The following SAMD5 variants were observed in gnomAD, a reference collection of about 807,000 sequenced individuals.
SAMD5 encodes sterile alpha motif domain containing 5.
SAMD5 carries 13 observed loss-of-function variants against 11.3 expected under a neutral mutation model. That is an observed-to-expected ratio of 1.15 (90% CI 0.75 to 1.83). The LOEUF is 1.83. Among genes scored for constraint, SAMD5 ranks in the 40% most tolerant of loss-of-function variants. The pLI is 0.00. For missense variants in SAMD5, 255 were observed against 239.1 expected (o/e 1.07, Z -0.44); for synonymous variants, 129 against 111.3 (o/e 1.16, Z -1.00).
chr6:147,664,850 T>C (rs1330284899), intron 1 of SAMD5, among the ~76,000 whole-genome samples: 1 of 152,176 alleles, frequency 6.6e-6, no homozygotes, highest in East Asian at 1.9e-4. Context: ...AAGCAAGCAT[T>C]TGCTGGTAGA....
intron 1 of SAMD5, among the ~76,000 whole-genome samples, chr6:147,539,353 G>A (rs760805707): frequency 3.3e-5 from 5 of 152,164 alleles, no homozygotes; most frequent in Non-Finnish European, 7.4e-5. Flanking sequence ...ATGCTTCTCC[G>A]ATCCAGGTGT....
chr6:147,699,013 G>A (rs753503805), intron 1 of SAMD5, among the ~76,000 whole-genome samples: 1 of 152,156 alleles, frequency 6.6e-6, no homozygotes, highest in Non-Finnish European at 1.5e-5. Context: ...TGGGAGTGCT[G>A]GGGTAGAGAT....
chr6:147,845,453 G>A, the SAMD5 span, among the ~76,000 whole-genome samples: 1 of 152,080 alleles, frequency 6.6e-6, no homozygotes. Context: ...GGATGAAAAG[G>A]CAATCAGACT....
chr6:147,663,250 G>T (rs954159547), intron 1 of SAMD5, among the ~76,000 whole-genome samples: 1 of 152,112 alleles, frequency 6.6e-6, no homozygotes, highest in Non-Finnish European at 1.5e-5. Context: ...TCCAATACTT[G>T]ATGTAAAATT....
intron 1 of SAMD5, among the ~76,000 whole-genome samples, chr6:147,535,205 G>A (rs1236961938): frequency 8.5e-5 from 13 of 152,188 alleles, no homozygotes; most frequent in Admixed American, 1.3e-4. Flanking sequence ...GAACCCCAAG[G>A]TGAGAAGCGT....
the SAMD5 span, among the ~76,000 whole-genome samples, chr6:147,951,399 T>C: frequency 0.11 from 16,005 of 151,876 alleles, 946 homozygotes; most frequent in Non-Finnish European, 0.12. Flanking sequence ...CCAGGATGGT[T>C]TCGATATCCT....
chr6:147,825,707 T>C, the SAMD5 span, among the ~76,000 whole-genome samples: 1 of 152,338 alleles, frequency 6.6e-6, no homozygotes, highest in South Asian at 2.1e-4. Flanking sequence ...GCTGAAGATA[T>C]ATTTCAAAAT....
chr6:147,547,166 T>C (rs182807558), intron 1 of SAMD5, among the ~76,000 whole-genome samples: 84 of 152,352 alleles, frequency 5.5e-4, no homozygotes, highest in Middle Eastern at 3.4e-3. Context: ...CCTCGGTTGA[T>C]AAATTTAGTT....
intron 1 of SAMD5, among the ~76,000 whole-genome samples, chr6:147,658,985 A>G (rs541005971): frequency 2.0e-5 from 3 of 152,338 alleles, no homozygotes; most frequent in African/African-American, 7.2e-5. Context: ...ACTAAAGCAG[A>G]TTGACTCTGA....
chr6:147,516,239 T>G (rs1788168725), intron 1 of SAMD5, among the ~76,000 whole-genome samples: 1 of 152,194 alleles, frequency 6.6e-6, no homozygotes, highest in Admixed American at 6.5e-5. Context: ...ACCATATCAG[T>G]GCACATCTAT....
intron 1 of SAMD5, among the ~76,000 whole-genome samples, chr6:147,547,760 G>A (rs1788709116): frequency 6.6e-6 from 1 of 152,184 alleles, no homozygotes; most frequent in Admixed American, 6.5e-5. Context: ...TACACAAGAA[G>A]AGGAATCACT....
At chr6:147,800,044 C>T in the SAMD5 span, among the ~76,000 whole-genome samples, 1 of 152,144 alleles carries the variant, frequency 6.6e-6, no homozygotes, top group Non-Finnish European at 1.5e-5. Context: ...GTAATTTGAT[C>T]GTCTGAAGCC....
the SAMD5 span, among the ~76,000 whole-genome samples, chr6:147,926,336 C>A: frequency 1.3e-5 from 2 of 152,154 alleles, no homozygotes; most frequent in African/African-American, 4.8e-5. Flanking sequence ...TCTGCAACCT[C>A]ACCAGCATCT....
the SAMD5 span, among the ~76,000 whole-genome samples, chr6:147,795,967 C>G: frequency 6.7e-6 from 1 of 149,102 alleles, no homozygotes; most frequent in Non-Finnish European, 1.5e-5. Context: ...TGGATATTAG[C>G]CCTTTGTCAG....
At chr6:147,591,066 C>T (rs965224413) in intron 1 of SAMD5, among the ~76,000 whole-genome samples, 4 of 151,710 alleles carry the variant, frequency 2.6e-5, no homozygotes, top group Admixed American at 2.6e-4. Flanking sequence ...AATGTAAAAC[C>T]ACGGAGACAA....
At chr6:147,795,314 T>C in the SAMD5 span, among the ~76,000 whole-genome samples, 1 of 144,500 alleles carries the variant, frequency 6.9e-6, no homozygotes, top group Non-Finnish European at 1.5e-5. Context: ...GAATATGCGG[T>C]GTTTGGTTTT....
chr6:147,802,626 T>C, the SAMD5 span, among the ~76,000 whole-genome samples: 1 of 150,588 alleles, frequency 6.6e-6, no homozygotes, highest in African/African-American at 2.4e-5. Context: ...GCGCCATTAT[T>C]CATAAGTCTA....
chr6:147,762,154 C>T, the SAMD5 span, among the ~76,000 whole-genome samples: 1 of 152,116 alleles, frequency 6.6e-6, no homozygotes, highest in East Asian at 1.9e-4. Context: ...TGATAATGTA[C>T]TTTTAGTCCC....
chr6:147,765,657 T>C, the SAMD5 span, among the ~76,000 whole-genome samples: 1 of 152,170 alleles, frequency 6.6e-6, no homozygotes, highest in South Asian at 2.1e-4. Flanking sequence ...AGCATGTTCC[T>C]TGGAACTTTA....
Sources: allele counts gnomAD v4.1 joint callset (sites outside exome capture counted in the v4.1 genomes callset), GRCh38; gene constraint gnomAD v4.1.1; transcripts MANE v1.5; gene names NCBI Gene and HGNC (gene_info 2026-07-23, HGNC 2026-07-21).